Variants in ANO1 observed in about 807,000 individuals in gnomAD.
The protein encoded by ANO1 is anoctamin 1, also known as anoctamin-1.
ANO1 carries 59 observed loss-of-function variants against 124.0 expected under a neutral mutation model. That is an observed-to-expected ratio of 0.48 (90% CI 0.39 to 0.59). ANO1 has a LOEUF of 0.59. Ranked by LOEUF, ANO1 falls within the 20% of genes least tolerant of loss-of-function variation. ANO1 has a pLI of 0.00. For missense variants in ANO1, 1,059 were observed against 1,328.0 expected, an observed-to-expected ratio of 0.80 and a Z score of 3.15; for synonymous variants, 529 against 532.0, an observed-to-expected ratio of 0.99 and a Z score of 0.08.
Position 69,987,922 on chromosome 11 carries a change from C to T in ANO1, c.58+1756C>T, listed in dbSNP as rs149546275. Reference sequence around the variant, plus strand: ...GGATGACGGCCACAGCCTCCACTCCCGGAGAGCAGGCCTTTCCTGTCCACC... The same window carrying T: ...GGATGACGGCCACAGCCTCCACTCCTGGAGAGCAGGCCTTTCCTGTCCACC... On this transcript the variant is annotated intron_variant, in intron 1 of 27. Coordinates refer to the ANO1 transcript ENST00000531349. 5.3e-3 allele frequency among the ~76,000 whole-genome samples: 809 copies of T among 152,300 alleles called. 9 individuals carry two copies. The highest frequency in any genetic ancestry group is 5.9e-3 in the Non-Finnish European group (404 of 68,018).
chr11:70,076,895 G>T (rs1399184309), upstream of ANO1, among the ~76,000 whole-genome samples: 1 of 152,116 alleles, frequency 6.6e-6, no homozygotes, highest in Non-Finnish European at 1.5e-5. Flanking sequence ...AGTGACAACA[G>T]TCACCATTGC....
At chr11:70,157,979 CAAA>C (rs548012147) in intron 16 of ANO1, among the ~76,000 whole-genome samples, 10,529 of 73,898 alleles carry the variant, frequency 0.14, 178 homozygotes, top group Middle Eastern at 0.22. Context: ...GACCCTGTCT[CAAA>C]AAAAAAAAAA....
At chr11:70,052,531 CTTTTTTTTTT>C (rs200770702) in intron 1 of ANO1, among the ~76,000 whole-genome samples, 75 of 65,894 alleles carry the variant, frequency 1.1e-3, no homozygotes, top group African/African-American at 3.5e-3. Flanking sequence ...TTTTTCTTTT[CTTTTTTTTTT>C]TTTTTTTTTT....
chr11:70,097,032 G>A (rs2045008829), intron 2 of ANO1, among the ~76,000 whole-genome samples: 1 of 152,134 alleles, frequency 6.6e-6, no homozygotes, highest in African/African-American at 2.4e-5. Context: ...TTCCTGTGGT[G>A]CATTCTTTAC....
chr11:70,077,220 C>T (rs1325275549), upstream of ANO1, among the ~76,000 whole-genome samples: 1 of 152,168 alleles, frequency 6.6e-6, no homozygotes, highest in Admixed American at 6.5e-5. Flanking sequence ...TGGTAGACAA[C>T]CCACTGTAAA....
chr11:70,173,623 T>G (rs1204694545), intron 22 of ANO1, among the ~76,000 whole-genome samples: 1 of 152,200 alleles, frequency 6.6e-6, no homozygotes, highest in South Asian at 2.1e-4. Context: ...AGGTTTGCAC[T>G]TGTTTTCTGT....
At chr11:70,034,301 G>T (rs74474064) in intron 1 of ANO1, among the ~76,000 whole-genome samples, 79 of 152,222 alleles carry the variant, frequency 5.2e-4, no homozygotes, top group African/African-American at 1.7e-3. Flanking sequence ...AGTGTCTCAG[G>T]AGTCTGCAGG....
chr11:70,092,976 GCCTTCCTTCTCTCTCT>G (rs1006407596), intron 2 of ANO1, among the ~76,000 whole-genome samples: 81 of 151,866 alleles, frequency 5.3e-4, no homozygotes, highest in African/African-American at 7.7e-4. Context: ...CTGAGGCAGG[GCCTTCCTTCTCTCTCT>G]CCCTCCTTCT....
chr11:70,036,842 C>T (rs534129282), intron 1 of ANO1, among the ~76,000 whole-genome samples: 1 of 152,260 alleles, frequency 6.6e-6, no homozygotes, highest in East Asian at 1.9e-4. Context: ...CTCCTGACCT[C>T]GTGATCTGCC....
chr11:70,147,783 G>A (rs2135608951), intron 11 of ANO1, among the ~76,000 whole-genome samples: 1 of 152,206 alleles, frequency 6.6e-6, no homozygotes, highest in East Asian at 1.9e-4. Flanking sequence ...TCCAATTTCT[G>A]GCTCCAGCAT....
chr11:70,050,606 C>T (rs1160700993), intron 1 of ANO1, among the ~76,000 whole-genome samples: 17 of 152,124 alleles, frequency 1.1e-4, no homozygotes, highest in South Asian at 2.1e-4. Context: ...CTCTCTCCTG[C>T]GCTGCCCTCA....
chr11:70,071,947 G>A (rs990149101), intron 1 of ANO1, among the ~76,000 whole-genome samples: 12 of 152,098 alleles, frequency 7.9e-5, no homozygotes, highest in African/African-American at 2.9e-4. Context: ...CTGAGGACAT[G>A]TTGAGATGAT....
chr11:70,025,189 T>C (rs1187101989), intron 1 of ANO1, among the ~76,000 whole-genome samples: 4 of 152,196 alleles, frequency 2.6e-5, no homozygotes, highest in African/African-American at 9.7e-5. Flanking sequence ...TTGGGCAAGT[T>C]ACTTCACCTC....
rs989227440 is a variant in ANO1 at position 70,104,239 on chromosome 11, TCCC to T, written c.692+92_692+94del. ...ATGAGAAATGCAGATTGATTATCTGTCCCCCAAAGAAGAGCGTGTTCTTGTAAG... is the reference window on the plus strand; with the variant it reads ...ATGAGAAATGCAGATTGATTATCTGTCCAAAGAAGAGCGTGTTCTTGTAAG... On this transcript the variant is annotated intron_variant, in intron 4 of 25. Coordinates refer to ENST00000355303, the MANE Select transcript of ANO1 (RefSeq NM_018043.7). The T allele has an allele frequency of 4.8e-5, 68 of 1,405,104 alleles. No individual in the cohort carries two copies. In the African/African-American group the frequency reaches 8.9e-4, roughly 18 times the overall value. 87.0% of individuals were successfully genotyped at this position (1,405,104 alleles called of 1,614,324 possible). A position where few individuals can be genotyped will look rare whatever the true frequency, so the allele number is the denominator to read the frequency against.
At chr11:70,090,458 C>T (rs1341023540) in intron 2 of ANO1, among the ~76,000 whole-genome samples, 2 of 152,176 alleles carry the variant, frequency 1.3e-5, no homozygotes, top group Middle Eastern at 3.2e-3. Flanking sequence ...AAAGCTAGGC[C>T]TCAGTTTCCC....
rs926671229 is a variant in ANO1, at chr11:70,189,397, A to G, written c.*1393A>G. The G allele has an allele frequency of 6.6e-6, 1 of 152,656 alleles. No individual in the cohort carries two copies. Among genetic ancestry groups the G allele is most frequent in the East Asian group, 1.9e-4 (1 of 5,202 alleles). 9.5% of individuals were successfully genotyped at this position (152,656 alleles called of 1,614,324 possible). ...AAGTAGTTTGAAGTGGGTTTTGTAT[A>G]TAAATACTGTATTAAAAATTAGGCA... On this transcript the variant is annotated 3_prime_UTR_variant, in exon 26 of 26. Transcript: ENST00000355303.
intron 7 of ANO1, among the ~76,000 whole-genome samples, chr11:70,115,654 A>G (rs1159069858): frequency 6.6e-6 from 1 of 152,070 alleles, no homozygotes; most frequent in African/African-American, 2.4e-5. Context: ...AAAAAAAACT[A>G]TTAGCCAGGC....
At chr11:69,998,122 T>C (rs1411979411) in intron 1 of ANO1, among the ~76,000 whole-genome samples, 1 of 152,154 alleles carries the variant, frequency 6.6e-6, no homozygotes, top group Non-Finnish European at 1.5e-5. Context: ...TTCAGCACAC[T>C]CCTCACACGG....
intron 11 of ANO1, among the ~76,000 whole-genome samples, chr11:70,139,751 C>T (rs1232380799): frequency 6.6e-6 from 1 of 152,244 alleles, no homozygotes; most frequent in East Asian, 1.9e-4. Flanking sequence ...AATTGATATT[C>T]CTTTGGGCAT....
Sources: allele counts gnomAD v4.1 joint callset (sites outside exome capture counted in the v4.1 genomes callset), GRCh38; gene constraint gnomAD v4.1.1; transcripts MANE v1.5; gene names NCBI Gene and HGNC (gene_info 2026-07-23, HGNC 2026-07-21).